Variants in DSCAML1 observed in about 807,000 individuals in gnomAD.
DSCAML1 encodes the protein DS cell adhesion molecule like 1, also known as cell adhesion molecule DSCAML1.
Under a neutral mutation model 200.5 loss-of-function variants are expected in DSCAML1, and 38 were observed. The observed-to-expected ratio is 0.19, with a 90% confidence interval of 0.15 to 0.25. DSCAML1 has a LOEUF of 0.25. Ranked by LOEUF, DSCAML1 falls within the 10% of genes least tolerant of loss-of-function variation. The pLI is 1.00. For missense variants in DSCAML1, 2,223 were observed against 2,858.8 expected, an observed-to-expected ratio of 0.78 and a Z score of 5.07; for synonymous variants, 1,215 against 1,165.0, an observed-to-expected ratio of 1.04 and a Z score of -0.87.
At chr11:117,801,397 G>T (rs896847870), upstream of DSCAML1, 1 of 152,224 alleles carries the variant, frequency 6.6e-6, no homozygotes, top group African/African-American at 2.4e-5. Flanking sequence ...TAGGTGTATA[G>T]TGTGTACCCA....
intron 29 of DSCAML1, 91 bp downstream of exon 29, chr11:117,433,047 C>G: frequency 8.8e-7 from 1 of 1,139,166 alleles, no homozygotes; most frequent in South Asian, 1.3e-5. Flanking sequence ...ACCCTGGGCA[C>G]TGCCATGAGG....
chr11:117,548,956 C>T (rs917505690), intron 3 of DSCAML1, among the ~76,000 whole-genome samples: 2 of 152,146 alleles, frequency 1.3e-5, no homozygotes, highest in Non-Finnish European at 2.9e-5. Flanking sequence ...TATACACAGA[C>T]AAGGAGAAAA....
At chr11:117,810,550 A>G (rs551453916) in intron 1 of DSCAML1, among the ~76,000 whole-genome samples, 8 of 151,618 alleles carry the variant, frequency 5.3e-5, no homozygotes, top group African/African-American at 1.9e-4. Flanking sequence ...CTCCTTCACT[A>G]TGGGCAAGCT....
At chr11:117,776,673 T>G in intron 3 of DSCAML1, 118 bp downstream of exon 3, 3 of 1,225,266 alleles carry the variant, frequency 2.4e-6, no homozygotes, top group Non-Finnish European at 3.4e-6. Context: ...AACAAGTCAC[T>G]CCCCAGAGCC....
At chr11:117,728,912 G>A (rs1042799270) in intron 3 of DSCAML1, among the ~76,000 whole-genome samples, 5 of 152,172 alleles carry the variant, frequency 3.3e-5, no homozygotes, top group African/African-American at 1.2e-4. Flanking sequence ...GTTTCCATAA[G>A]CTGATCTTTA....
At chr11:117,702,424 G>A (rs1307845911) in intron 3 of DSCAML1, among the ~76,000 whole-genome samples, 2 of 151,750 alleles carry the variant, frequency 1.3e-5, no homozygotes, top group African/African-American at 4.8e-5. Flanking sequence ...TCTTTTTCCA[G>A]AACCTACCTT....
At chr11:117,572,500 C>T (rs1463702922) in intron 3 of DSCAML1, among the ~76,000 whole-genome samples, 1 of 152,186 alleles carries the variant, frequency 6.6e-6, no homozygotes, top group African/African-American at 2.4e-5. Flanking sequence ...CTCCCTATCT[C>T]ATTCTTCTGC....
chr11:117,741,650 T>C (rs999809236), intron 3 of DSCAML1, among the ~76,000 whole-genome samples: 9 of 152,220 alleles, frequency 5.9e-5, no homozygotes, highest in African/African-American at 1.9e-4. Context: ...GAACCACCAA[T>C]GCTCCTGTTC....
At chr11:117,741,385 T>A (rs2054420747) in intron 3 of DSCAML1, among the ~76,000 whole-genome samples, 1 of 152,242 alleles carries the variant, frequency 6.6e-6, no homozygotes, top group Non-Finnish European at 1.5e-5. Flanking sequence ...AGCCAGAGGT[T>A]AAAGACAATG....
intron 4 of DSCAML1, among the ~76,000 whole-genome samples, chr11:117,530,632 G>A (rs950905700): frequency 9.2e-5 from 14 of 152,242 alleles, no homozygotes; most frequent in African/African-American, 3.4e-4. Context: ...ATCGGGAGCC[G>A]GGTTGTTGCC....
At chr11:117,623,665 T>A (rs374458945) in intron 3 of DSCAML1, among the ~76,000 whole-genome samples, 1 of 152,198 alleles carries the variant, frequency 6.6e-6, no homozygotes, top group African/African-American at 2.4e-5. Flanking sequence ...GTGGGGATAA[T>A]AGTAACACCT....
intron 3 of DSCAML1, among the ~76,000 whole-genome samples, chr11:117,680,627 G>A (rs2053294388): frequency 6.6e-6 from 1 of 152,246 alleles, no homozygotes; most frequent in Admixed American, 6.5e-5. Flanking sequence ...TGTGGCCTGT[G>A]CTGGCCAGGC....
intron 4 of DSCAML1, among the ~76,000 whole-genome samples, chr11:117,531,907 A>C (rs1453940760): frequency 1.0e-5 from 1 of 95,620 alleles, no homozygotes; most frequent in Non-Finnish European, 1.9e-5. Context: ...AAGAAAGGGA[A>C]GGGAAGGAAA....
At chr11:117,573,729 C>G (rs750028394) in intron 3 of DSCAML1, among the ~76,000 whole-genome samples, 32 of 152,234 alleles carry the variant, frequency 2.1e-4, no homozygotes, top group Non-Finnish European at 4.4e-4. Flanking sequence ...GCTAAGTTCT[C>G]CCTTACGCTT....
At chr11:117,573,152 C>T (rs1043604958) in intron 3 of DSCAML1, among the ~76,000 whole-genome samples, 2 of 152,184 alleles carry the variant, frequency 1.3e-5, no homozygotes, top group Admixed American at 6.5e-5. Context: ...CGTGTCCTGT[C>T]GTGCATTCAG....
At chr11:117,696,746 A>G (rs564267252) in intron 3 of DSCAML1, among the ~76,000 whole-genome samples, 1 of 152,258 alleles carries the variant, frequency 6.6e-6, no homozygotes, top group East Asian at 1.9e-4. Context: ...CCCTTCCATT[A>G]TCTGGCTTCA....
At chr11:117,572,895 G>T (rs1429184579) in intron 3 of DSCAML1, among the ~76,000 whole-genome samples, 1 of 152,194 alleles carries the variant, frequency 6.6e-6, no homozygotes, top group Admixed American at 6.5e-5. Flanking sequence ...GGGTCAATCA[G>T]GCATCGCCCG....
intron 5 of DSCAML1, among the ~76,000 whole-genome samples, chr11:117,522,357 C>T (rs1345141501): frequency 6.6e-6 from 1 of 152,188 alleles, no homozygotes; most frequent in Non-Finnish European, 1.5e-5. Flanking sequence ...GGACTGTGGG[C>T]CACTTGAGAG....
At chr11:117,576,270 T>C (rs2050931955) in intron 3 of DSCAML1, among the ~76,000 whole-genome samples, 1 of 152,084 alleles carries the variant, frequency 6.6e-6, no homozygotes, top group Admixed American at 6.5e-5. Context: ...TGACTCCATG[T>C]GGATGGATGA....
Sources: gnomAD v4.1 joint callset for allele counts (sites outside exome capture counted in the v4.1 genomes callset) on GRCh38, gnomAD v4.1.1 for gene constraint, MANE v1.5 for transcripts, NCBI Gene and HGNC (gene_info 2026-07-23, HGNC 2026-07-21) for gene names.